Variants in MRPL3 observed in about 807,000 individuals in gnomAD.
MRPL3 encodes the protein mitochondrial ribosomal protein L3, also known as large ribosomal subunit protein uL3m.
A neutral mutation model predicts 44.3 loss-of-function variants in MRPL3; 43 were observed. The observed-to-expected ratio is 0.97, with a 90% CI of 0.76 to 1.25. MRPL3 has a LOEUF of 1.25. Among genes scored for constraint, MRPL3 ranks in the 50% most tolerant of loss-of-function variants. The pLI, the probability that MRPL3 is intolerant of heterozygous loss-of-function variation, is 0.00. For synonymous variants in MRPL3, 171 were observed against 152.3 expected (o/e 1.12, Z -0.91); for missense variants, 406 against 427.6 (o/e 0.95, Z 0.45).
At chr3:131,477,708 T>C (rs781177860) in intron 6 of MRPL3, among the ~76,000 whole-genome samples, 2 of 152,202 alleles carry the variant, frequency 1.3e-5, no homozygotes, top group Non-Finnish European at 2.9e-5. Flanking sequence ...AATATTTCAG[T>C]AGAGATCTCT....
chr3:131,485,828 G>A (rs1026272676), intron 6 of MRPL3, among the ~76,000 whole-genome samples: 2 of 152,174 alleles, frequency 1.3e-5, no homozygotes, highest in Non-Finnish European at 2.9e-5. Flanking sequence ...GTGAAGGAAA[G>A]TGATACTAGC....
chr3:131,480,859 CTG>C (rs1246588630), intron 6 of MRPL3, among the ~76,000 whole-genome samples: 1 of 152,140 alleles, frequency 6.6e-6, no homozygotes, highest in East Asian at 1.9e-4. Context: ...ACTTGGAAAA[CTG>C]AGGAATTATT....
intron 3 of MRPL3, among the ~76,000 whole-genome samples, chr3:131,499,643 T>C (rs1934450113): frequency 6.6e-6 from 1 of 152,158 alleles, no homozygotes; most frequent in Non-Finnish European, 1.5e-5. Context: ...ATCACCTGTA[T>C]CATTACTTGC....
At chr3:131,474,056 G>T (rs1933798867) in intron 6 of MRPL3, among the ~76,000 whole-genome samples, 1 of 152,106 alleles carries the variant, frequency 6.6e-6, no homozygotes, top group African/African-American at 2.4e-5. Flanking sequence ...CCACTATGGG[G>T]TAGATATCCA....
In MRPL3 at chr3:131,462,587, T is replaced by A; in HGVS notation, c.*136A>T. On this transcript the variant is annotated 3_prime_UTR_variant, in exon 10 of 10. Coordinates refer to ENST00000264995, the MANE Select transcript of MRPL3 (RefSeq NM_007208.4). ...ATTTAATGGGGGTATGAATGATATA[T>A]TTATGCCCTTGACAAAGATGACATG... The A allele has an allele frequency of 3.8e-6, 3 of 781,554 alleles. No homozygotes were observed. In the South Asian group the frequency reaches 8.3e-5, roughly 22 times the overall value. The allele number at this position is 781,554 out of a possible 1,614,324, so 48.4% of individuals were successfully genotyped here.
At chr3:131,500,396 T>A (rs375104344) in intron 3 of MRPL3, 34 bp downstream of exon 3, 1 of 1,523,890 alleles carries the variant, frequency 6.6e-7, no homozygotes. Flanking sequence ...TTGAAACACA[T>A]AGATATCTCT....
At chr3:131,485,544 C>T (rs1050588057) in intron 6 of MRPL3, among the ~76,000 whole-genome samples, 9 of 152,050 alleles carry the variant, frequency 5.9e-5, no homozygotes, top group Non-Finnish European at 8.8e-5. Flanking sequence ...CTTTTAAGCT[C>T]CAATATTTTG....
At chr3:131,499,532 T>C (rs997668701) in intron 3 of MRPL3, among the ~76,000 whole-genome samples, 5 of 152,172 alleles carry the variant, frequency 3.3e-5, no homozygotes, top group African/African-American at 7.2e-5. Flanking sequence ...TATTGTCTTA[T>C]ACTTGATCAT....
intron 8 of MRPL3, among the ~76,000 whole-genome samples, chr3:131,468,460 CA>C (rs955269093): frequency 1.3e-5 from 2 of 152,190 alleles, no homozygotes; most frequent in Non-Finnish European, 2.9e-5. Flanking sequence ...TTAACAATAA[CA>C]AGTGGAAATT....
At chr3:131,465,776 G>T (rs1484815792) in intron 9 of MRPL3, among the ~76,000 whole-genome samples, 3 of 152,044 alleles carry the variant, frequency 2.0e-5, no homozygotes, top group East Asian at 1.9e-4. Context: ...ATCTGTCATT[G>T]TAAGTATGAC....
chr3:131,493,765 G>A (rs1366406146), intron 4 of MRPL3, among the ~76,000 whole-genome samples: 1 of 152,090 alleles, frequency 6.6e-6, no homozygotes, highest in Non-Finnish European at 1.5e-5. Flanking sequence ...CTCTGAGGAC[G>A]AACAAATCAG....
At chr3:131,466,783 A>G (rs1424143220) in intron 9 of MRPL3, among the ~76,000 whole-genome samples, 1 of 152,112 alleles carries the variant, frequency 6.6e-6, no homozygotes, top group African/African-American at 2.4e-5. Context: ...ACATTGTATA[A>G]TGATAAAATC....
chr3:131,491,639 T>G (rs1446367717), intron 4 of MRPL3, among the ~76,000 whole-genome samples: 1 of 152,144 alleles, frequency 6.6e-6, no homozygotes, highest in Non-Finnish European at 1.5e-5. Context: ...CCCTTGATTC[T>G]TTTCTTCTTC....
At chr3:131,477,857 C>G (rs904388220) in intron 6 of MRPL3, among the ~76,000 whole-genome samples, 1 of 152,132 alleles carries the variant, frequency 6.6e-6, no homozygotes, top group African/African-American at 2.4e-5. Flanking sequence ...TTTTCCTCTA[C>G]CCCTTAACGT....
chr3:131,480,264 T>C (rs1167410055), intron 6 of MRPL3, among the ~76,000 whole-genome samples: 1 of 152,194 alleles, frequency 6.6e-6, no homozygotes, highest in Non-Finnish European at 1.5e-5. Context: ...AGTCAATTTC[T>C]ACCCAATTCA....
At chr3:131,496,971 C>T (rs1559832646) in intron 4 of MRPL3, among the ~76,000 whole-genome samples, 1 of 152,242 alleles carries the variant, frequency 6.6e-6, no homozygotes, top group Non-Finnish European at 1.5e-5. Context: ...CACACATGCT[C>T]TTCCATGTTG....
chr3:131,468,376 ACT>A (rs2110694909), intron 8 of MRPL3, among the ~76,000 whole-genome samples: 1 of 152,228 alleles, frequency 6.6e-6, no homozygotes, highest in African/African-American at 2.4e-5. Flanking sequence ...GTAGTAGAAA[ACT>A]CTCATTTTAA....
intron 6 of MRPL3, among the ~76,000 whole-genome samples, chr3:131,484,038 C>T (rs1934055636): frequency 6.6e-6 from 1 of 152,002 alleles, no homozygotes; most frequent in Non-Finnish European, 1.5e-5. Flanking sequence ...CAGTTTTATG[C>T]TAACTAAAAT....
chr3:131,462,962 C>G, intron 9 of MRPL3, 87 bp from the exon 10 acceptor site: 2 of 1,112,960 alleles, frequency 1.8e-6, no homozygotes, highest in Admixed American at 2.3e-5. Context: ...AAGAAATACT[C>G]GCTACTACAT....
Sources: allele counts gnomAD v4.1 joint callset (sites outside exome capture counted in the v4.1 genomes callset), GRCh38; gene constraint gnomAD v4.1.1; transcripts MANE v1.5; gene names NCBI Gene and HGNC (gene_info 2026-07-23, HGNC 2026-07-21).